The following MGLL variants were observed in gnomAD, a reference collection of about 807,000 sequenced individuals.
MGLL encodes the protein lysophospholipase homolog.
Under a neutral mutation model 29.1 loss-of-function variants are expected in MGLL, and 7 were observed. That is an observed-to-expected ratio of 0.24 (90% CI 0.14 to 0.45). The LOEUF is 0.45. Among genes scored for constraint, MGLL ranks in the 20% least tolerant of loss-of-function variants. The probability of loss-of-function intolerance (pLI) is 0.99; values close to 1 mark genes in which losing one functional copy is unlikely to be tolerated. For synonymous variants in MGLL, 148 were observed against 168.3 expected (o/e 0.88, Z 0.93); for missense variants, 356 against 413.6 (o/e 0.86, Z 1.21).
At chr3:127,753,985 C>T (rs904568261) in intron 3 of MGLL, among the ~76,000 whole-genome samples, 1 of 152,252 alleles carries the variant, frequency 6.6e-6, no homozygotes, top group Admixed American at 6.5e-5. Flanking sequence ...AGCCTCGTCA[C>T]AGCTGTCAGC....
intron 4 of MGLL, 148 bp from the exon 5 acceptor site, chr3:127,721,311 T>C: frequency 1.5e-6 from 1 of 660,002 alleles, no homozygotes; most frequent in Non-Finnish European, 2.7e-6. Context: ...CATCAAATGT[T>C]GGCTAAACTA....
At chr3:127,791,721 A>G (rs1262970466) in intron 2 of MGLL, among the ~76,000 whole-genome samples, 1 of 152,206 alleles carries the variant, frequency 6.6e-6, no homozygotes, top group African/African-American at 2.4e-5. Context: ...CTTGAACTGC[A>G]TCGGCTCCAT....
chr3:127,726,190 A>AAAGAAAGGAAAG (rs1553758469), intron 3 of MGLL, among the ~76,000 whole-genome samples: 1 of 74,274 alleles, frequency 1.3e-5, no homozygotes, highest in Non-Finnish European at 2.8e-5. Flanking sequence ...GAAAGAAAAG[A>AAAGAAAGGAAAG]AAAGAAAGAA....
intron 3 of MGLL, among the ~76,000 whole-genome samples, chr3:127,737,630 CTTTTTTTTTTTTTT>C (rs774965066): frequency 2.5e-4 from 17 of 68,612 alleles, no homozygotes; most frequent in African/African-American, 1.3e-3. Flanking sequence ...TCAACTGCTT[CTTTTTTTTTTTTTT>C]TTTTTTTTTT....
intron 6 of MGLL, among the ~76,000 whole-genome samples, chr3:127,701,226 A>AAAAAAAAAAAT (rs1315461512): frequency 6.6e-6 from 1 of 150,834 alleles, no homozygotes; most frequent in Non-Finnish European, 1.5e-5. Context: ...AAAAAAAAAA[A>AAAAAAAAAAAT]AAAAAAAGCC....
At chr3:127,770,342 CA>C (rs2076928614) in intron 3 of MGLL, among the ~76,000 whole-genome samples, 1 of 152,092 alleles carries the variant, frequency 6.6e-6, no homozygotes, top group Non-Finnish European at 1.5e-5. Context: ...CACCCTGAAA[CA>C]TTTTTTTTAA....
chr3:127,710,529 G>A (rs1402683383), intron 6 of MGLL, 47 bp downstream of exon 6: 1 of 1,443,652 alleles, frequency 6.9e-7, no homozygotes, highest in African/African-American at 1.4e-5. Flanking sequence ...GATTCCCCAT[G>A]GGGGCAGCCA....
In MGLL at chr3:127,746,235, G is replaced by C. The variant is rs141511296; in HGVS notation, c.263-23669C>G. On this transcript the variant is annotated intron_variant, in intron 3 of 7. Transcript: ENST00000265052. ...CAGGGAGAAAACAAGCCCCAAACAT[G>C]CGGCCATGGCTCCTGAGTTTTCTAA... 1.7e-3 allele frequency among the ~76,000 whole-genome samples: 261 copies of C among 152,262 alleles called. 1 individual carries two copies. Among genetic ancestry groups the C allele is most frequent in the South Asian group, 6.2e-3 (30 of 4,822 alleles).
intron 2 of MGLL, among the ~76,000 whole-genome samples, chr3:127,805,308 G>A (rs2077546493): frequency 6.6e-6 from 1 of 152,130 alleles, no homozygotes; most frequent in African/African-American, 2.4e-5. Context: ...GAGGTGAGAC[G>A]AGCATTGAGT....
chr3:127,786,665 C>T (rs181724545), intron 2 of MGLL, among the ~76,000 whole-genome samples: 2 of 152,260 alleles, frequency 1.3e-5, no homozygotes. Flanking sequence ...ACGAATGCCC[C>T]TTTTATGCCT....
intron 2 of MGLL, among the ~76,000 whole-genome samples, chr3:127,804,783 A>G (rs2077537284): frequency 6.6e-6 from 1 of 152,212 alleles, no homozygotes; most frequent in African/African-American, 2.4e-5. Context: ...CTGCCACCCC[A>G]GAGAGGCACT....
chr3:127,794,370 T>A (rs1265902436), intron 2 of MGLL, among the ~76,000 whole-genome samples: 1 of 152,142 alleles, frequency 6.6e-6, no homozygotes, highest in Non-Finnish European at 1.5e-5. Flanking sequence ...AAAAAAACTG[T>A]CTTCTATGAA....
intron 5 of MGLL, among the ~76,000 whole-genome samples, chr3:127,718,164 G>C (rs2075852169): frequency 6.6e-6 from 1 of 151,974 alleles, no homozygotes; most frequent in Non-Finnish European, 1.5e-5. Flanking sequence ...CAGGGGGTGG[G>C]GGCTGGCCGT....
chr3:127,737,275 G>A (rs2076258079), intron 3 of MGLL, among the ~76,000 whole-genome samples: 1 of 151,190 alleles, frequency 6.6e-6, no homozygotes, highest in Non-Finnish European at 1.5e-5. Flanking sequence ...AATCCTCACA[G>A]CACCCTCTGA....
At chr3:127,776,460 A>G (rs2077038473) in intron 3 of MGLL, among the ~76,000 whole-genome samples, 1 of 152,176 alleles carries the variant, frequency 6.6e-6, no homozygotes, top group Admixed American at 6.5e-5. Flanking sequence ...GCTCTCAACG[A>G]TCGGAGCCCT....
intron 3 of MGLL, among the ~76,000 whole-genome samples, chr3:127,725,942 G>A (rs193247883): frequency 5.3e-5 from 8 of 151,790 alleles, no homozygotes; most frequent in East Asian, 3.9e-4. Flanking sequence ...CATTGGTGGC[G>A]TGGTGGTGCA....
chr3:127,710,474 C>A, intron 6 of MGLL, 102 bp downstream of exon 6: 4 of 1,079,314 alleles, frequency 3.7e-6, no homozygotes, highest in Non-Finnish European at 4.2e-6. Context: ...CACAGGGCCT[C>A]GGTGAAAGGG....
At chr3:127,715,713 A>C (rs964857818) in intron 5 of MGLL, 1 of 456,562 alleles carries the variant, frequency 2.2e-6, no homozygotes, top group Non-Finnish European at 4.4e-6. Flanking sequence ...AGCAGTGGGG[A>C]AGGAAGGAGT....
chr3:127,799,677 C>T (rs1197447851), intron 2 of MGLL, among the ~76,000 whole-genome samples: 1 of 152,162 alleles, frequency 6.6e-6, no homozygotes. Context: ...CCCGGCTGTG[C>T]CTCAGGAAGA....
Sources: allele counts gnomAD v4.1 joint callset (sites outside exome capture counted in the v4.1 genomes callset), GRCh38; gene constraint gnomAD v4.1.1; transcripts MANE v1.5; gene names NCBI Gene and HGNC (gene_info 2026-07-23, HGNC 2026-07-21).